The following HIVEP1 variants were observed in gnomAD, a reference collection of about 807,000 sequenced individuals.
HIVEP1 encodes HIVEP zinc finger 1.
Under a neutral mutation model 180.0 loss-of-function variants are expected in HIVEP1, and 36 were observed. The observed-to-expected ratio is 0.20, with a 90% CI of 0.15 to 0.26. The LOEUF (loss-of-function observed/expected upper bound fraction) is 0.26, where lower values mean the gene tolerates loss of function less well. Ranked by LOEUF, HIVEP1 falls within the 10% of genes least tolerant of loss-of-function variation. The pLI, the probability that HIVEP1 is intolerant of heterozygous loss-of-function variation, is 1.00. For synonymous variants in HIVEP1, 1,239 were observed against 1,239.0 expected (o/e 1.00, Z 0.00); for missense variants, 3,143 against 3,268.7 (o/e 0.96, Z 0.94).
rs1214211546 is a variant in HIVEP1, at chr6:12,124,216, T to C, written c.4421T>C (p.Leu1474Ser). 4 of 1,613,974 alleles carry C rather than the reference T, an allele frequency of 2.5e-6. No homozygotes were observed. Among genetic ancestry groups the C allele is most frequent in the Non-Finnish European group, 3.4e-6 (4 of 1,179,852 alleles). ...GGGCCTCAGCTCACTAGTACATCTTTAGCTGAGTTTTCTGCAAATACTTTG... is the reference window on the plus strand; with the variant it reads ...GGGCCTCAGCTCACTAGTACATCTTCAGCTGAGTTTTCTGCAAATACTTTG... ...YQGPQLTSTS[L>S]AEFSANTLHS... is the part of the protein sequence containing the mutation. The change falls in exon 4 of 9, where the codon TTA (leucine) becomes TCA (serine). Residue 1474 changes from leucine (L) to serine (S), a missense_variant. Around this residue, in one of 12 missense-constraint regions of HIVEP1, gnomAD observed 1,357 missense variants for 1,260.5 expected, o/e 1.08. Transcript: ENST00000379388.
At chr6:12,086,258 G>T (rs1316338805) in intron 2 of HIVEP1, among the ~76,000 whole-genome samples, 1 of 152,050 alleles carries the variant, frequency 6.6e-6, no homozygotes, top group South Asian at 2.1e-4. Flanking sequence ...TCCTCCAAGT[G>T]TATTTAATGT....
chr6:12,101,735 G>A (rs1022309256), intron 3 of HIVEP1, among the ~76,000 whole-genome samples: 2 of 151,882 alleles, frequency 1.3e-5, no homozygotes, highest in Non-Finnish European at 2.9e-5. Flanking sequence ...TAAATTGCAG[G>A]CACAAATTCA....
the HIVEP1 span, among the ~76,000 whole-genome samples, chr6:12,175,374 A>G: frequency 6.6e-6 from 1 of 152,220 alleles, no homozygotes; most frequent in African/African-American, 2.4e-5. Flanking sequence ...AAGTGCCAAC[A>G]TGAGAGGGCC....
intron 2 of HIVEP1, among the ~76,000 whole-genome samples, chr6:12,078,721 T>C (rs542375506): frequency 2.1e-4 from 23 of 112,036 alleles, no homozygotes; most frequent in Non-Finnish European, 4.3e-4. Context: ...CACACACACA[T>C]ATATATATAC....
At chr6:12,069,683 T>G (rs1355130167) in intron 2 of HIVEP1, among the ~76,000 whole-genome samples, 1 of 151,678 alleles carries the variant, frequency 6.6e-6, no homozygotes, top group East Asian at 1.9e-4. Flanking sequence ...GTAACTAACC[T>G]GCACATTGTG....
chr6:12,124,583 G>A lies in HIVEP1; in HGVS notation c.4788G>A (p.Val1596=), dbSNP rs201021400. 1.5e-5 allele frequency: 24 copies of A among 1,614,086 alleles called. No individual in the cohort carries two copies. The highest frequency in any genetic ancestry group is 1.9e-5 in the Non-Finnish European group (23 of 1,180,016). The change falls in exon 4 of 9, where the codon GTG becomes GTA. Residue 1596 remains valine (V), a synonymous_variant. Transcript: ENST00000379388. ...ATCCAGTTGGAACAGATCATTGTGT[G>A]ACATCAGCAACATTACCAACCAAAT... ...ISDPVGTDHC[V]TSATLPTKLI...
chr6:12,121,842 G>C lies in HIVEP1; in HGVS notation c.2047G>C (p.Asp683His). ...TTACTTTTCACGTTCTGAAAGTGCCGATCAAACAGTGAGTCCACCAACTCC... is the reference window on the plus strand; with the variant it reads ...TTACTTTTCACGTTCTGAAAGTGCCCATCAAACAGTGAGTCCACCAACTCC... ...SGYFSRSESA[D>H]QTVSPPTPFA... Residue 683 changes from aspartate to histidine, a missense_variant, in exon 4 of 9, where the codon GAT (aspartate) becomes CAT (histidine). By Grantham distance (81) the Asp-to-His change is moderately conservative (BLOSUM62 -1). Around this residue, in one of 12 missense-constraint regions of HIVEP1, gnomAD observed 365 missense variants for 344.4 expected, o/e 1.06. Transcript: ENST00000379388. The surrounding 1 kb of genome is among the most constrained non-coding windows in gnomAD (Gnocchi z 5.3). 6.2e-7 allele frequency: 1 copy of C among 1,614,130 alleles called. No individual in the cohort carries two copies.
rs780235463 is a variant in HIVEP1 at position 12,125,456 on chromosome 6, A to G, written c.5661A>G (p.Lys1887=). Reference sequence around the variant, plus strand: ...AAAATACTCATATTTCTCCTTTGAAATGTACAGACAATAACCAAGAAAGGA... The same window carrying G: ...AAAATACTCATATTTCTCCTTTGAAGTGTACAGACAATAACCAAGAAAGGA... ...PSENTHISPL[K]CTDNNQERKS... Residue 1887 remains lysine, a synonymous_variant, in exon 4 of 9, where the codon AAA becomes AAG. Coordinates refer to ENST00000379388, the MANE Select transcript of HIVEP1 (RefSeq NM_002114.4). 2 of 1,614,120 alleles carry G rather than the reference A, an allele frequency of 1.2e-6. No individual in the cohort carries two copies. Among genetic ancestry groups the G allele is most frequent in the South Asian group, 2.2e-5 (2 of 91,080 alleles).
upstream of HIVEP1, among the ~76,000 whole-genome samples, chr6:12,011,360 C>T (rs2113539184): frequency 6.9e-6 from 1 of 145,822 alleles, no homozygotes; most frequent in South Asian, 2.2e-4. Context: ...CGGCCCACAT[C>T]CTGCTGTAGA....
the HIVEP1 span, among the ~76,000 whole-genome samples, chr6:12,205,470 C>CAA: frequency 2.5e-4 from 34 of 138,174 alleles, no homozygotes; most frequent in African/African-American, 8.2e-4. Flanking sequence ...GACTCCATCT[C>CAA]AAAAAAAAAA....
intron 2 of HIVEP1, among the ~76,000 whole-genome samples, chr6:12,061,286 C>G (rs1459448613): frequency 6.6e-6 from 1 of 152,194 alleles, no homozygotes; most frequent in Admixed American, 6.5e-5. Context: ...ACCAAATGTA[C>G]ACCCTGGTTA....
intron 3 of HIVEP1, among the ~76,000 whole-genome samples, chr6:12,109,267 A>T (rs1774726778): frequency 6.6e-6 from 1 of 152,212 alleles, no homozygotes; most frequent in Non-Finnish European, 1.5e-5. Context: ...TGCTGGGATT[A>T]CAGGCGTGAG....
Position 12,124,778 on chromosome 6 carries a change from C to T in HIVEP1, c.4983C>T (p.Thr1661=). ...TLTSLPQILV[T]QDLPNQPICQ... ...CATCCCTGCCACAAATACTAGTGACCCAAGATCTGCCCAATCAGCCAATTT... is the reference window on the plus strand; with the variant it reads ...CATCCCTGCCACAAATACTAGTGACTCAAGATCTGCCCAATCAGCCAATTT... Residue 1661 remains threonine (T), a synonymous_variant, in exon 4 of 9, where the codon ACC becomes ACT. Transcript: ENST00000379388. 6.2e-7 allele frequency: 1 copy of T among 1,614,114 alleles called. No individual in the cohort carries two copies. The highest frequency in any genetic ancestry group is 8.5e-7 in the Non-Finnish European group (1 of 1,180,020).
At chr6:12,153,133 C>T (rs148002689) in intron 7 of HIVEP1, among the ~76,000 whole-genome samples, 2 of 152,270 alleles carry the variant, frequency 1.3e-5, no homozygotes, top group African/African-American at 4.8e-5. Flanking sequence ...TTGGGAACTA[C>T]ATTTTATATA....
rs550112788 is a variant in HIVEP1, at chr6:12,093,170, A to G, written c.94+3933A>G. 9.4e-4 allele frequency among the ~76,000 whole-genome samples: 143 copies of G among 152,262 alleles called. 1 individual carries two copies. Among genetic ancestry groups the G allele is most frequent in the Non-Finnish European group, 1.6e-3 (107 of 68,024 alleles). ...TGGCCTCCTGCTTATTTAATTTAAT[A>G]ATGTCAAACATGTCTTCATTTGTAT... On this transcript the variant is annotated intron_variant, in intron 3 of 8. Transcript: ENST00000379388.
the HIVEP1 span, among the ~76,000 whole-genome samples, chr6:12,205,780 CAATT>C: frequency 9.9e-5 from 15 of 152,132 alleles, no homozygotes; most frequent in South Asian, 2.1e-4. Context: ...TGCTTTTGGA[CAATT>C]AATCAAGTGA....
intron 2 of HIVEP1, among the ~76,000 whole-genome samples, chr6:12,068,217 A>G (rs1365465236): frequency 6.6e-6 from 1 of 152,078 alleles, no homozygotes; most frequent in Non-Finnish European, 1.5e-5. Flanking sequence ...CAGCCTCCCA[A>G]ATAGCTGGGA....
the HIVEP1 span, among the ~76,000 whole-genome samples, chr6:12,172,687 C>T: frequency 3.9e-5 from 6 of 152,008 alleles, no homozygotes; most frequent in African/African-American, 1.4e-4. Context: ...ACATTTACAA[C>T]AGATATTGCA....
chr6:12,116,709 A>C (rs1200880320), intron 3 of HIVEP1, among the ~76,000 whole-genome samples: 1 of 151,996 alleles, frequency 6.6e-6, no homozygotes, highest in Admixed American at 6.6e-5. Context: ...GAATGAACAC[A>C]ACTCAAAAAA....
Sources: allele counts gnomAD v4.1 joint callset (sites outside exome capture counted in the v4.1 genomes callset), GRCh38; gene constraint gnomAD v4.1.1; regional missense constraint gnomAD v4.1.1; non-coding constraint Gnocchi (gnomAD v3.1); transcripts MANE v1.5; gene names NCBI Gene and HGNC (gene_info 2026-07-23, HGNC 2026-07-21).